The following UPF1 variants were observed in gnomAD, a reference collection of about 807,000 sequenced individuals.
UPF1 encodes the protein UPF1 RNA helicase and ATPase, also known as regulator of nonsense transcripts 1.
A neutral mutation model predicts 129.2 loss-of-function variants in UPF1; 9 were observed. That is an observed-to-expected ratio of 0.07 (90% confidence interval 0.04 to 0.12). The LOEUF is 0.12. Ranked by LOEUF, UPF1 falls within the 10% of genes least tolerant of loss-of-function variation. UPF1 has a pLI of 1.00. For synonymous variants in UPF1, 649 were observed against 644.9 expected (o/e 1.01, Z -0.10); for missense variants, 788 against 1,525.3 (o/e 0.52, Z 8.05).
chr19:18,850,685 C>T lies in UPF1; in HGVS notation c.630-3C>T. On this transcript the variant is annotated splice_polypyrimidine_tract_variant and splice_region_variant and intron_variant, in intron 4 of 23. Coordinates refer to ENST00000262803, the MANE Select transcript of UPF1 (RefSeq NM_002911.4). This position sits in a 1 kb window ranked among gnomAD's most constrained non-coding sequence, Gnocchi z 7.1. ...GTCCTCACGGCCCCCTCCCGCTCTG[C>T]AGGCAGCCCTGTGCCAGCCAGAGCA... The T allele has an allele frequency of 1.3e-6, 2 of 1,573,192 alleles. No homozygotes were observed. Among genetic ancestry groups the T allele is most frequent in the Non-Finnish European group, 1.7e-6 (2 of 1,156,728 alleles).
At chr19:18,838,553 CAGG>C (rs1466114000) in intron 1 of UPF1, among the ~76,000 whole-genome samples, 1 of 152,048 alleles carries the variant, frequency 6.6e-6, no homozygotes, top group Non-Finnish European at 1.5e-5. Context: ...GAGGCTGAGG[CAGG>C]AGAATCGCTT....
At position 18,845,965 on chromosome 19, in the gene UPF1, T is replaced by C. The variant is rs551365981; in HGVS notation, c.232-15T>C. ...AGCTGCAGCCTCACTCAGGTGACAC[T>C]GCGTTCTGCTGCAGGTTGGGCCCGA... On this transcript the variant is annotated splice_polypyrimidine_tract_variant and intron_variant, in intron 1 of 23. Transcript: ENST00000262803. 10 of 1,613,296 alleles carry C rather than the reference T, an allele frequency of 6.2e-6. No individual in the cohort carries two copies. The East Asian group carries it at 1.6e-4, about 25-fold the overall frequency.
rs896465371 is a variant in UPF1, at chr19:18,866,852, T to A, written c.*335T>A. 13 of 152,590 alleles carry A rather than the reference T, an allele frequency of 8.5e-5. No individual in the cohort carries two copies. Among genetic ancestry groups the A allele is most frequent in the African/African-American group, 2.9e-4 (12 of 41,454 alleles). 9.5% of individuals were successfully genotyped at this position (152,590 alleles called of 1,614,324 possible). Reference sequence around the variant, plus strand: ...GTAGCCCTTTCCTCTGTTCTTTTATTTCTTTTTCTCTTTGATTGAAAGGGG... The same window carrying A: ...GTAGCCCTTTCCTCTGTTCTTTTATATCTTTTTCTCTTTGATTGAAAGGGG... On this transcript the variant is annotated 3_prime_UTR_variant, in exon 24 of 24. Transcript: ENST00000262803.
Position 18,832,360 on chromosome 19 carries a change from C to A in UPF1, c.151C>A (p.Pro51Thr). 7.5e-7 allele frequency: 1 copy of A among 1,329,422 alleles called. No homozygotes were observed. Among genetic ancestry groups the A allele is most frequent in the South Asian group, 1.7e-5 (1 of 59,006 alleles). The allele number at this position is 1,329,422 out of a possible 1,614,324, so 82.4% of individuals were successfully genotyped here. A position where few individuals can be genotyped will look rare whatever the true frequency, so the allele number is the denominator to read the frequency against. The change falls in exon 1 of 24, where the codon CCC (proline) becomes ACC (threonine). Residue 51 changes from proline to threonine, a missense_variant. Around this residue, in one of 6 missense-constraint regions of UPF1, gnomAD observed 112 missense variants for 128.2 expected, o/e 0.87. Coordinates refer to ENST00000262803, the MANE Select transcript of UPF1 (RefSeq NM_002911.4). The surrounding 1 kb of genome is among the most constrained non-coding windows in gnomAD (Gnocchi z 5.6). The stretch of plus-strand genomic sequence containing the variant: ...CCAGACGCAGACGCCCCCCGGCGGC[C>A]CCGGCGGCCCGGGCGGTGGCGGCGC... ...PSQTQTPPGG[P>T]GGPGGGGAGG...
At chr19:18,864,827 C>A (rs929756629) in intron 20 of UPF1, among the ~76,000 whole-genome samples, 1 of 151,166 alleles carries the variant, frequency 6.6e-6, no homozygotes, top group Admixed American at 6.6e-5. Flanking sequence ...GCAACCTCCC[C>A]CTCTGGGTTC....
Position 18,850,257 on chromosome 19 carries a change from G to C in UPF1, c.629+15G>C. ...CTGCTGTGCAGGTGAGTGGTCCCCA[G>C]ATGTCTCCTGGGGGTGACCTTTAAG... On this transcript the variant is annotated intron_variant, in intron 4 of 23. Transcript: ENST00000262803. The surrounding 1 kb of genome is among the most constrained non-coding windows in gnomAD (Gnocchi z 7.1). 6.3e-7 allele frequency: 1 copy of C among 1,586,020 alleles called. No homozygotes were observed. The highest frequency in any genetic ancestry group is 8.6e-7 in the Non-Finnish European group (1 of 1,165,700).
intron 17 of UPF1, 76 bp from the exon 18 acceptor site, chr19:18,861,934 T>C (rs2055784939): frequency 3.8e-6 from 6 of 1,568,620 alleles, no homozygotes; most frequent in Non-Finnish European, 5.2e-6. Context: ...GGGTGGGTCT[T>C]GGTGTGTTTC....
At chr19:18,836,987 C>T (rs893904492) in intron 1 of UPF1, among the ~76,000 whole-genome samples, 4 of 151,844 alleles carry the variant, frequency 2.6e-5, no homozygotes, top group East Asian at 1.9e-4. Flanking sequence ...CTCCTGACCT[C>T]GTGTTCCGCC....
chr19:18,841,870 G>A (rs558497460), intron 1 of UPF1, among the ~76,000 whole-genome samples: 92 of 152,306 alleles, frequency 6.0e-4, no homozygotes, highest in African/African-American at 2.1e-3. Flanking sequence ...GGTGCCATTG[G>A]TGAGAGGGGA....
At chr19:18,856,530 C>T (rs2055720063) in intron 13 of UPF1, among the ~76,000 whole-genome samples, 1 of 152,186 alleles carries the variant, frequency 6.6e-6, no homozygotes, top group South Asian at 2.1e-4. Context: ...TGGGATCCGG[C>T]AGTGGATCTA....
rs1184448901 is a variant in UPF1 at position 18,866,980 on chromosome 19, C to G, written c.*463C>G. The G allele has an allele frequency of 6.6e-6, 1 of 152,618 alleles. No individual in the cohort carries two copies. The highest frequency in any genetic ancestry group is 1.5e-5 in the Non-Finnish European group (1 of 68,060). The allele number at this position is 152,618 out of a possible 1,614,324, so 9.5% of individuals were successfully genotyped here. A position where few individuals can be genotyped will look rare whatever the true frequency, so the allele number is the denominator to read the frequency against. On this transcript the variant is annotated 3_prime_UTR_variant, in exon 24 of 24. Transcript: ENST00000262803. ...CAGAGCCCCGGGAGGGCGCGTCTGT[C>G]CACGCCTACCGGACGCGCCGAGGTC... is the stretch of plus-strand genomic sequence containing the variant.
At position 18,851,694 on chromosome 19, in the gene UPF1, G is replaced by A. The variant is rs774735943; in HGVS notation, c.811-441G>A. Reference sequence around the variant, plus strand: ...AGCAGACGTGGGAGACAGGCCTCCCGGGCTGTGGACACAGCGAGAGAAACC... The same window carrying A: ...AGCAGACGTGGGAGACAGGCCTCCCAGGCTGTGGACACAGCGAGAGAAACC... On this transcript the variant is annotated intron_variant, in intron 5 of 23. Coordinates refer to ENST00000262803, the MANE Select transcript of UPF1 (RefSeq NM_002911.4). The surrounding 1 kb of genome is among the most constrained non-coding windows in gnomAD (Gnocchi z 4.2). Among the ~76,000 whole-genome samples the A allele has an allele frequency of 2.0e-5, 3 of 152,188 alleles. No homozygotes were observed. The highest frequency in any genetic ancestry group is 2.9e-5 in the Non-Finnish European group (2 of 68,032).
At position 18,867,464 on chromosome 19, in the gene UPF1, G is replaced by A. The variant is rs1186379155; in HGVS notation, c.*947G>A. On this transcript the variant is annotated 3_prime_UTR_variant, in exon 24 of 24. Transcript: ENST00000262803. ...CCCTGTGGCCAGGAGGCGAGAAGGT[G>A]GCTGTTCCCGGATTGACGGCTTTTT... is the stretch of plus-strand genomic sequence containing the variant. The A allele has an allele frequency of 6.6e-6, 1 of 152,524 alleles. No homozygotes were observed. The highest frequency in any genetic ancestry group is 2.4e-5 in the African/African-American group (1 of 41,472). 9.4% of individuals were successfully genotyped at this position (152,524 alleles called of 1,614,324 possible).
In UPF1 at chr19:18,847,815, G is replaced by A. The variant is rs1418718035; in HGVS notation, c.443G>A (p.Arg148His). The change falls in exon 3 of 24, where the codon CGT becomes CAT. Residue 148 changes from arginine (R) to histidine (H), a missense_variant. Physicochemically the swap from Arg to His is conservative, Grantham distance 29 (BLOSUM62 0). Coordinates refer to ENST00000262803, the MANE Select transcript of UPF1 (RefSeq NM_002911.4). ...NTSKKWFCNG[R>H]GNTSGSHIVN... ...AGCAAGAAGTGGTTCTGCAACGGAC[G>A]TGGAAATACTTCTGGCAGGTAGATA... is the stretch of plus-strand genomic sequence containing the variant. The A allele has an allele frequency of 1.2e-6, 2 of 1,614,090 alleles. No individual in the cohort carries two copies. The highest frequency in any genetic ancestry group is 1.7e-6 in the Non-Finnish European group (2 of 1,180,036).
intron 1 of UPF1, among the ~76,000 whole-genome samples, chr19:18,841,286 T>C (rs746656509): frequency 1.3e-5 from 2 of 152,248 alleles, no homozygotes; most frequent in South Asian, 2.1e-4. Flanking sequence ...AGCAAGTCTT[T>C]TGTGTCCTTT....
chr19:18,861,901 C>G (rs1049846677), intron 17 of UPF1, 109 bp from the exon 18 acceptor site: 3 of 1,454,196 alleles, frequency 2.1e-6, no homozygotes, highest in Non-Finnish European at 2.7e-6. Flanking sequence ...GCGCCAGGCC[C>G]CAAGCTCCCG....
intron 17 of UPF1, 63 bp downstream of exon 17, chr19:18,861,045 TTTAAG>T (rs2055773419): frequency 6.7e-7 from 1 of 1,496,644 alleles, no homozygotes. Flanking sequence ...ACCCTTGACC[TTTAAG>T]TTACCCCCCA....
Position 18,863,431 on chromosome 19 carries a change from G to A in UPF1, c.2601-7G>A, listed in dbSNP as rs765705448. The A allele has an allele frequency of 6.2e-7, 1 of 1,610,962 alleles. No individual in the cohort carries two copies. The highest frequency in any genetic ancestry group is 1.3e-5 in the African/African-American group (1 of 74,850). On this transcript the variant is annotated splice_region_variant and splice_polypyrimidine_tract_variant and intron_variant, in intron 18 of 23. Transcript: ENST00000262803. ...CCTGCGTCCTCAGCACTGCGCCCTTGTTGCAGGTATGGCGTCATCATTGTG... is the reference window on the plus strand; with the variant it reads ...CCTGCGTCCTCAGCACTGCGCCCTTATTGCAGGTATGGCGTCATCATTGTG...
chr19:18,857,472 A>G lies in UPF1; in HGVS notation c.2121A>G (p.Ala707=). ...RLQVQYRMHP[A]LSAFPSNIFY... ...AGGTCCAGTACCGGATGCACCCTGC[A>G]CTCAGCGCCTTCCCATCCAACATCT... Residue 707 remains alanine (A), a synonymous_variant, in exon 15 of 24, where the codon GCA becomes GCG. Transcript: ENST00000262803. 5.0e-6 allele frequency: 8 copies of G among 1,613,892 alleles called. No individual in the cohort carries two copies. Among genetic ancestry groups the G allele is most frequent in the East Asian group, 2.2e-5 (1 of 44,874 alleles).
Sources: gnomAD v4.1 joint callset for allele counts (sites outside exome capture counted in the v4.1 genomes callset) on GRCh38, gnomAD v4.1.1 for gene constraint, gnomAD v4.1.1 regional missense constraint, Gnocchi (gnomAD v3.1) non-coding constraint, MANE v1.5 for transcripts, NCBI Gene and HGNC (gene_info 2026-07-23, HGNC 2026-07-21) for gene names.